SERPINB8: variants seen among roughly 807,000 people sequenced by gnomAD.
SERPINB8 encodes the protein serpin B8.
A neutral mutation model predicts 35.3 loss-of-function variants in SERPINB8; 25 were observed. The observed-to-expected ratio is 0.71, with a 90% CI of 0.52 to 0.99. SERPINB8 has a LOEUF of 0.99. Ranked by LOEUF, SERPINB8 falls within the 50% of genes least tolerant of loss-of-function variation. The probability of loss-of-function intolerance (pLI) is 0.00; values close to 1 mark genes in which losing one functional copy is unlikely to be tolerated. For synonymous variants in SERPINB8, 186 were observed against 160.8 expected, an observed-to-expected ratio of 1.16 and a Z score of -1.19; for missense variants, 484 against 446.5, an observed-to-expected ratio of 1.08 and a Z score of -0.76.
At position 63,987,108 on chromosome 18, in the gene SERPINB8, G is replaced by A. The variant is rs375110009; in HGVS notation, c.955G>A (p.Val319Met). 24 of 1,614,050 alleles carry A rather than the reference G, an allele frequency of 1.5e-5. No individual in the cohort carries two copies. Among genetic ancestry groups the A allele is most frequent in the Admixed American group, 3.3e-5 (2 of 59,998 alleles). ...GTCCAAGGTTGCCCACAAGTGCTTC[G>A]TGGAGGTCAATGAGGAAGGCACAGA... ...PLSKVAHKCF[V>M]EVNEEGTEAA... Residue 319 changes from valine to methionine, a missense_variant, in exon 7 of 7, where the codon GTG (valine) becomes ATG (methionine). Transcript: ENST00000397985.
intron 1 of SERPINB8, among the ~76,000 whole-genome samples, chr18:64,001,776 C>G (rs1457620552): frequency 6.6e-6 from 1 of 152,124 alleles, no homozygotes; most frequent in African/African-American, 2.4e-5. Flanking sequence ...CGTGAGCCAC[C>G]GCGCCCGACC....
intron 1 of SERPINB8, among the ~76,000 whole-genome samples, chr18:63,972,626 A>G (rs1322863174): frequency 1.3e-5 from 2 of 152,038 alleles, no homozygotes; most frequent in African/African-American, 4.8e-5. Flanking sequence ...TCCTAATGCT[A>G]TTCCTCTCAC....
intron 7 of SERPINB8, among the ~76,000 whole-genome samples, chr18:64,012,588 T>TGCGC (rs201102215): frequency 1.9e-5 from 2 of 107,260 alleles, no homozygotes; most frequent in Non-Finnish European, 4.1e-5. Context: ...TGTGTGTGTG[T>TGCGC]GTGCGTGTGT....
intron 2 of SERPINB8, 119 bp downstream of exon 2, chr18:63,978,595 C>T: frequency 4.4e-6 from 5 of 1,139,410 alleles, no homozygotes; most frequent in Non-Finnish European, 5.1e-6. Context: ...GAAGGAGGAG[C>T]AGCTCGGCAG....
In SERPINB8 at chr18:63,983,616, T is replaced by C; in HGVS notation, c.462T>C (p.Asp154=). ...ISEVLDAGTV[D]PLTKLVLVNA... ...AGGTACTGGATGCTGGGACAGTCGA[T>C]CCCCTGACAAAGCTGGTCCTTGTGA... The change falls in exon 5 of 7, where the codon GAT becomes GAC. Residue 154 remains aspartate (D), a synonymous_variant. Transcript: ENST00000397985. 1.9e-6 allele frequency: 3 copies of C among 1,613,932 alleles called. No homozygotes were observed. The highest frequency in any genetic ancestry group is 2.5e-6 in the Non-Finnish European group (3 of 1,179,808).
At chr18:63,975,482 T>C (rs2050567164) in intron 1 of SERPINB8, among the ~76,000 whole-genome samples, 1 of 152,294 alleles carries the variant, frequency 6.6e-6, no homozygotes, top group African/African-American at 2.4e-5. Context: ...AATATTTTGT[T>C]CCATAATAAA....
chr18:63,975,240 A>G (rs1043773338), intron 1 of SERPINB8, among the ~76,000 whole-genome samples: 24 of 151,898 alleles, frequency 1.6e-4, no homozygotes, highest in African/African-American at 5.8e-4. Context: ...TACCCAGTTT[A>G]CCCAATTCTC....
At chr18:63,989,906 G>A (rs1340694421), downstream of SERPINB8, among the ~76,000 whole-genome samples, 1 of 110,080 alleles carries the variant, frequency 9.1e-6, no homozygotes, top group Non-Finnish European at 1.7e-5. Flanking sequence ...TCCCGCCACT[G>A]CACTCCAGCC....
chr18:63,995,027 G>C (rs141894679), intron 1 of SERPINB8, among the ~76,000 whole-genome samples: 279 of 152,276 alleles, frequency 1.8e-3, no homozygotes, highest in Non-Finnish European at 3.2e-3. Context: ...ATTGCTCTCT[G>C]AGCCTGATGA....
At chr18:63,996,481 C>G (rs927039676) in intron 1 of SERPINB8, among the ~76,000 whole-genome samples, 1 of 152,214 alleles carries the variant, frequency 6.6e-6, no homozygotes, top group Admixed American at 6.5e-5. Context: ...CCAGGATCAA[C>G]TTGCCTTTAT....
chr18:64,014,081 G>A (rs1357046143), intron 7 of SERPINB8, among the ~76,000 whole-genome samples: 1 of 152,128 alleles, frequency 6.6e-6, no homozygotes, highest in Non-Finnish European at 1.5e-5. Flanking sequence ...AAAATAAAAG[G>A]AGGCAAAAAT....
At chr18:63,986,791 A>G in intron 6 of SERPINB8, 83 bp from the exon 7 acceptor site, 5 of 1,415,028 alleles carry the variant, frequency 3.5e-6, no homozygotes, top group Middle Eastern at 2.6e-4. Context: ...ATTGCATGTC[A>G]TTGGGGGAGG....
At chr18:63,970,525 T>C (rs2050452184) in intron 1 of SERPINB8, 1 of 152,762 alleles carries the variant, frequency 6.5e-6, no homozygotes, top group Non-Finnish European at 1.5e-5. Flanking sequence ...TTTGCTGCGC[T>C]GTGATTTGCT....
At chr18:64,009,906 A>G (rs2050918116), downstream of SERPINB8, among the ~76,000 whole-genome samples, 6 of 152,320 alleles carry the variant, frequency 3.9e-5, no homozygotes, top group South Asian at 1.2e-3. Flanking sequence ...TTTGTGACAA[A>G]ACAATAAGAG....
intron 7 of SERPINB8, among the ~76,000 whole-genome samples, chr18:64,017,721 C>A (rs1017486258): frequency 1.3e-5 from 2 of 152,142 alleles, no homozygotes; most frequent in African/African-American, 4.8e-5. Flanking sequence ...CCTATGGAAA[C>A]CCTGATCATT....
At chr18:63,982,331 C>G (rs901447108) in intron 4 of SERPINB8, among the ~76,000 whole-genome samples, 2 of 152,134 alleles carry the variant, frequency 1.3e-5, no homozygotes, top group Non-Finnish European at 2.9e-5. Flanking sequence ...GTTCCCTATT[C>G]TGGAGGTGCA....
At chr18:64,018,091 A>C (rs185271849) in intron 7 of SERPINB8, among the ~76,000 whole-genome samples, 3 of 152,324 alleles carry the variant, frequency 2.0e-5, no homozygotes, top group East Asian at 3.9e-4. Context: ...TGAATGAGTG[A>C]GCTTTCCTTC....
chr18:63,971,156 C>T (rs1018197154), intron 1 of SERPINB8, among the ~76,000 whole-genome samples: 1 of 152,154 alleles, frequency 6.6e-6, no homozygotes, highest in East Asian at 1.9e-4. Context: ...TCTCAGTCTC[C>T]GTTTCGCGCG....
chr18:63,989,672 G>A (rs1384040515), downstream of SERPINB8, among the ~76,000 whole-genome samples: 3 of 152,038 alleles, frequency 2.0e-5, no homozygotes, highest in Admixed American at 6.5e-5. Context: ...GGCCGGGCGC[G>A]GTGGCTCACG....
Sources: allele counts gnomAD v4.1 joint callset (sites outside exome capture counted in the v4.1 genomes callset), GRCh38; gene constraint gnomAD v4.1.1; transcripts MANE v1.5; gene names NCBI Gene and HGNC (gene_info 2026-07-23, HGNC 2026-07-21).